Variants in CTNNA2 observed in about 807,000 individuals in gnomAD.
CTNNA2 encodes the protein catenin alpha 2.
Under a neutral mutation model 101.0 loss-of-function variants are expected in CTNNA2, and 42 were observed. The ratio of observed to expected loss-of-function variants is 0.42; its 90% CI spans 0.32 to 0.54. CTNNA2 has a LOEUF of 0.54. Ranked by LOEUF, CTNNA2 falls within the 20% of genes least tolerant of loss-of-function variation. The pLI, the probability that CTNNA2 is intolerant of heterozygous loss-of-function variation, is 0.14. For synonymous variants in CTNNA2, 450 were observed against 456.4 expected, an observed-to-expected ratio of 0.99 and a Z score of 0.18; for missense variants, 871 against 1,223.1, an observed-to-expected ratio of 0.71 and a Z score of 4.29.
rs562724479 is a variant in CTNNA2, at chr2:79,534,901, T to TG, written c.-6+21695dup. On this transcript the variant is annotated intron_variant, in intron 1 of 18. Coordinates refer to ENST00000402739, the MANE Select transcript of CTNNA2 (RefSeq NM_001282597.3). ...ATAGCCAGTTAGTTGGTAAGAAGGG[T>TG]GAAAAAAAAAAACTCCTGCAAAACA... 2.7e-3 allele frequency among the ~76,000 whole-genome samples: 398 copies of TG among 148,216 alleles called. 1 individual carries two copies. Among genetic ancestry groups the TG allele is most frequent in the Middle Eastern group, 0.017 (5 of 288 alleles).
intron 4 of CTNNA2, among the ~76,000 whole-genome samples, chr2:79,468,175 T>C (rs1399150557): frequency 6.6e-6 from 1 of 151,554 alleles, no homozygotes; most frequent in Non-Finnish European, 1.5e-5. Flanking sequence ...AATAAAGGGG[T>C]GGAGGAAGAT....
At chr2:79,631,033 C>T (rs570068386) in intron 1 of CTNNA2, among the ~76,000 whole-genome samples, 13 of 152,254 alleles carry the variant, frequency 8.5e-5, no homozygotes, top group African/African-American at 2.9e-4. Context: ...TCATTGATCA[C>T]AGGATCCTGT....
intron 16 of CTNNA2, 85 bp downstream of exon 16, chr2:80,604,264 T>C: frequency 1.0e-6 from 1 of 981,130 alleles, no homozygotes; most frequent in South Asian, 1.3e-5. Context: ...ATGCACCCTA[T>C]AAAATGCCTC....
Position 79,690,537 on chromosome 2 carries a change from G to A in CTNNA2, c.102+38879G>A, listed in dbSNP as rs146361129. On this transcript the variant is annotated intron_variant, in intron 2 of 18. Coordinates refer to ENST00000402739, the MANE Select transcript of CTNNA2 (RefSeq NM_001282597.3). ...CCACATTTTCTTTATCCAGTCTATCGTTGATGGGCTTTTGGGTTGGTTCCA... is the reference window on the plus strand; with the variant it reads ...CCACATTTTCTTTATCCAGTCTATCATTGATGGGCTTTTGGGTTGGTTCCA... Among the ~76,000 whole-genome samples the A allele has an allele frequency of 3.0e-3, 463 of 152,018 alleles. 1 individual carries two copies. Among genetic ancestry groups the A allele is most frequent in the African/African-American group, 0.01 (429 of 41,492 alleles).
At chr2:80,006,713 GTTC>G (rs1280656628) in intron 7 of CTNNA2, among the ~76,000 whole-genome samples, 1 of 152,136 alleles carries the variant, frequency 6.6e-6, no homozygotes, top group Non-Finnish European at 1.5e-5. Context: ...CTGGGTTAGT[GTTC>G]TTCTTGTGGG....
At chr2:79,378,083 A>C (rs1677999281) in intron 4 of CTNNA2, among the ~76,000 whole-genome samples, 1 of 152,176 alleles carries the variant, frequency 6.6e-6, no homozygotes, top group Admixed American at 6.5e-5. Flanking sequence ...TATTGACCAC[A>C]AGTATTGGCA....
intron 4 of CTNNA2, among the ~76,000 whole-genome samples, chr2:79,461,947 T>G (rs1043346659): frequency 2.0e-4 from 30 of 152,076 alleles, no homozygotes; most frequent in African/African-American, 6.8e-4. Context: ...AGCAAAAATT[T>G]TTTAATTAAA....
At chr2:80,062,333 T>C (rs987138403) in intron 7 of CTNNA2, among the ~76,000 whole-genome samples, 1 of 152,226 alleles carries the variant, frequency 6.6e-6, no homozygotes, top group Non-Finnish European at 1.5e-5. Flanking sequence ...TACTAATAAG[T>C]AGTCTCTTTC....
At chr2:79,874,677 G>A (rs1414980817) in intron 6 of CTNNA2, among the ~76,000 whole-genome samples, 7 of 152,102 alleles carry the variant, frequency 4.6e-5, no homozygotes, top group East Asian at 1.9e-4. Flanking sequence ...GCGTGGTGGC[G>A]CATGCCTGTA....
chr2:79,264,759 T>C (rs1404707626), intron 2 of CTNNA2, among the ~76,000 whole-genome samples: 1 of 152,124 alleles, frequency 6.6e-6, no homozygotes, highest in African/African-American at 2.4e-5. Context: ...CAGCAATATG[T>C]TGTGTTCTAT....
intron 4 of CTNNA2, among the ~76,000 whole-genome samples, chr2:79,500,299 T>G (rs760588416): frequency 3.9e-5 from 6 of 152,210 alleles, no homozygotes; most frequent in Non-Finnish European, 7.3e-5. Context: ...ACATATTTAT[T>G]TGTTATGTAC....
intron 7 of CTNNA2, among the ~76,000 whole-genome samples, chr2:80,182,133 A>C (rs867697509): frequency 6.6e-6 from 1 of 152,228 alleles, no homozygotes; most frequent in African/African-American, 2.4e-5. Context: ...CAAAGAAGCC[A>C]GTACAAGTCA....
At chr2:79,242,989 T>TACACAC (rs1443193633) in intron 2 of CTNNA2, among the ~76,000 whole-genome samples, 149 of 92,132 alleles carry the variant, frequency 1.6e-3, no homozygotes, top group African/African-American at 4.6e-3. Context: ...TATATATATA[T>TACACAC]ATATACACAC....
Position 79,982,279 on chromosome 2 carries a change from T to TATATATAACATATATAACATATATAAAAC in CTNNA2, c.1056+72502_1056+72530dup, listed in dbSNP as rs1558697711. On this transcript the variant is annotated intron_variant, in intron 7 of 18. Coordinates refer to ENST00000402739, the MANE Select transcript of CTNNA2 (RefSeq NM_001282597.3). ...ACACACACACATAACATATATATAA[T>TATATATAACATATATAACATATATAAAAC]ATATATAACATATATAACATATATA... 3.4e-5 allele frequency among the ~76,000 whole-genome samples: 4 copies of TATATATAACATATATAACATATATAAAAC among 116,512 alleles called. No individual in the cohort carries two copies. The Admixed American group carries it at 3.5e-4, about 10-fold the overall frequency. The allele number at this position is 116,512 out of a possible 152,430, so 76.4% of individuals were successfully genotyped here.
chr2:79,452,171 T>C (rs1490018174), intron 4 of CTNNA2, among the ~76,000 whole-genome samples: 1 of 152,154 alleles, frequency 6.6e-6, no homozygotes, highest in Non-Finnish European at 1.5e-5. Flanking sequence ...CCTTTATCAC[T>C]GCCCCAAAGA....
Position 80,604,025 on chromosome 2 carries a change from T to C in CTNNA2, c.2190-49T>C, listed in dbSNP as rs1299582914. ...ACAAAGGATATGGTAGGTTGGTCTC[T>C]TTCCCGTCATTAAGTGGATTTCTAA... On this transcript the variant is annotated intron_variant, in intron 15 of 18. Coordinates refer to ENST00000402739, the MANE Select transcript of CTNNA2 (RefSeq NM_001282597.3). The C allele has an allele frequency of 1.9e-6, 3 of 1,539,142 alleles. No individual in the cohort carries two copies. In the African/African-American group the frequency reaches 4.1e-5, roughly 21 times the overall value.
At chr2:79,232,589 T>C (rs1021302003) in intron 2 of CTNNA2, among the ~76,000 whole-genome samples, 2 of 152,230 alleles carry the variant, frequency 1.3e-5, no homozygotes, top group African/African-American at 4.8e-5. Flanking sequence ...CTATCAACTT[T>C]TTGGAATAGT....
chr2:79,996,880 T>C (rs1340376382), intron 7 of CTNNA2, among the ~76,000 whole-genome samples: 1 of 152,040 alleles, frequency 6.6e-6, no homozygotes, highest in Non-Finnish European at 1.5e-5. Context: ...ACTGGCCATA[T>C]AGGCTGCATG....
At chr2:79,489,640 C>T (rs954504572) in intron 4 of CTNNA2, among the ~76,000 whole-genome samples, 9 of 152,104 alleles carry the variant, frequency 5.9e-5, no homozygotes, top group African/African-American at 2.2e-4. Context: ...ACTGTATCTA[C>T]CCCAAGGAGG....
Sources: allele counts gnomAD v4.1 joint callset (sites outside exome capture counted in the v4.1 genomes callset), GRCh38; gene constraint gnomAD v4.1.1; transcripts MANE v1.5; gene names NCBI Gene and HGNC (gene_info 2026-07-23, HGNC 2026-07-21).